The following KIAA1328 variants were observed in gnomAD, a reference collection of about 807,000 sequenced individuals.
KIAA1328 encodes protein hinderin.
A neutral mutation model predicts 68.1 loss-of-function variants in KIAA1328; 52 were observed. That is an observed-to-expected ratio of 0.76 (90% CI 0.61 to 0.96). The LOEUF is 0.96. KIAA1328 is among the 40% of genes least tolerant of loss of function. KIAA1328 has a pLI of 0.00. For missense variants in KIAA1328, 641 were observed against 677.6 expected (o/e 0.95, Z 0.60); for synonymous variants, 232 against 239.4 (o/e 0.97, Z 0.28).
At chr18:36,863,384 A>G (rs994544489) in intron 4 of KIAA1328, among the ~76,000 whole-genome samples, 1 of 151,848 alleles carries the variant, frequency 6.6e-6, no homozygotes, top group Non-Finnish European at 1.5e-5. Context: ...CCACTGGCCT[A>G]TGTGTCTATT....
intron 1 of KIAA1328, among the ~76,000 whole-genome samples, chr18:36,830,601 C>T (rs2046446606): frequency 6.6e-6 from 1 of 152,100 alleles, no homozygotes; most frequent in Admixed American, 6.5e-5. Flanking sequence ...CAAGCTATTG[C>T]AATGGGACTG....
At chr18:37,168,765 T>G (rs1202221221) in intron 8 of KIAA1328, among the ~76,000 whole-genome samples, 2 of 152,168 alleles carry the variant, frequency 1.3e-5, no homozygotes, top group Non-Finnish European at 2.9e-5. Flanking sequence ...GGATGGATAT[T>G]GGTATTGTAT....
Position 37,193,645 on chromosome 18 carries a change from C to G in KIAA1328, c.1523+20564C>G, listed in dbSNP as rs181452078. On this transcript the variant is annotated intron_variant, in intron 9 of 9. Coordinates refer to ENST00000280020, the MANE Select transcript of KIAA1328 (RefSeq NM_020776.3). ...TTTCAAATCATTTCTTCATATTGTT[C>G]TCCTAGACAAAATGCTAGGCTACAC... The G allele has an allele frequency of 1.4e-3, 1,013 of 702,596 alleles. 1 individual carries two copies. The highest frequency in any genetic ancestry group is 2.2e-3 in the Non-Finnish European group (847 of 384,794). 43.5% of individuals were successfully genotyped at this position (702,596 alleles called of 1,614,324 possible).
rs1194588761 is a variant in KIAA1328 at position 37,067,448 on chromosome 18, A to T, written c.1135A>T (p.Ile379Phe). Reference sequence around the variant, plus strand: ...GATGCTTCAGAAAATGGAACTGGAAATTGAAAAGGAGCGCCTTCAGCATCT... The same window carrying T: ...GATGCTTCAGAAAATGGAACTGGAATTTGAAAAGGAGCGCCTTCAGCATCT... ...QLMLQKMELE[I>F]EKERLQHLLA... Residue 379 changes from isoleucine (I) to phenylalanine (F), a missense_variant, in exon 7 of 10, where the codon ATT becomes TTT. By Grantham distance (21) the Ile-to-Phe change is conservative (BLOSUM62 0). Transcript: ENST00000280020. 6.3e-7 allele frequency: 1 copy of T among 1,584,274 alleles called. No individual in the cohort carries two copies. The highest frequency in any genetic ancestry group is 1.8e-5 in the Admixed American group (1 of 54,658).
intron 5 of KIAA1328, among the ~76,000 whole-genome samples, chr18:36,928,704 G>A (rs2034216): frequency 6.6e-4 from 100 of 152,274 alleles, no homozygotes; most frequent in African/African-American, 2.2e-3. Flanking sequence ...GAGTGTGTGC[G>A]CACGCATGTG....
chr18:37,023,099 T>G (rs1284423771), intron 6 of KIAA1328, among the ~76,000 whole-genome samples: 1 of 152,222 alleles, frequency 6.6e-6, no homozygotes, highest in Non-Finnish European at 1.5e-5. Context: ...GGCACAATCA[T>G]GGCTCACTGT....
chr18:37,154,267 T>C, intron 7 of KIAA1328, among the ~76,000 whole-genome samples: 1 of 152,174 alleles, frequency 6.6e-6, no homozygotes. Context: ...ATCGCTCTTA[T>C]TAAAAATTCC....
intron 9 of KIAA1328, 74 bp from the exon 10 acceptor site, chr18:37,221,943 A>T: frequency 4.8e-6 from 7 of 1,468,798 alleles, no homozygotes; most frequent in Non-Finnish European, 5.6e-6. Context: ...TGGACAGCCC[A>T]TTTCTGCTGG....
At chr18:36,968,232 A>G (rs2052024390) in intron 6 of KIAA1328, among the ~76,000 whole-genome samples, 1 of 152,204 alleles carries the variant, frequency 6.6e-6, no homozygotes, top group Admixed American at 6.5e-5. Flanking sequence ...ATAAACAGCT[A>G]ACAACATGAT....
At chr18:36,915,927 C>T (rs1303070572) in intron 5 of KIAA1328, among the ~76,000 whole-genome samples, 1 of 152,142 alleles carries the variant, frequency 6.6e-6, no homozygotes, top group Non-Finnish European at 1.5e-5. Flanking sequence ...GAAAACAACT[C>T]AAATGTCTTT....
chr18:37,018,408 A>G (rs1201878629), intron 6 of KIAA1328, among the ~76,000 whole-genome samples: 1 of 151,964 alleles, frequency 6.6e-6, no homozygotes, highest in East Asian at 1.9e-4. Flanking sequence ...TTTTTCATTT[A>G]GCATTGACCT....
chr18:36,965,092 T>G (rs2051862509), intron 6 of KIAA1328, among the ~76,000 whole-genome samples: 1 of 152,184 alleles, frequency 6.6e-6, no homozygotes. Flanking sequence ...TCAGCCTATT[T>G]TACTATTTTT....
chr18:36,946,821 G>T (rs139706544), intron 5 of KIAA1328, among the ~76,000 whole-genome samples: 1 of 152,268 alleles, frequency 6.6e-6, no homozygotes, highest in East Asian at 1.9e-4. Flanking sequence ...GCTTAATTGT[G>T]AAATAGGTGA....
At chr18:37,187,973 T>C (rs988588933) in intron 9 of KIAA1328, among the ~76,000 whole-genome samples, 1 of 152,212 alleles carries the variant, frequency 6.6e-6, no homozygotes, top group Non-Finnish European at 1.5e-5. Flanking sequence ...ATGGTGTTTA[T>C]AGAATATAAA....
chr18:37,077,331 C>T (rs911634705), intron 7 of KIAA1328, among the ~76,000 whole-genome samples: 1 of 139,894 alleles, frequency 7.1e-6, no homozygotes. Context: ...TGGGACGTAT[C>T]TCAAAATAAT....
chr18:36,941,033 G>A (rs755924906), intron 5 of KIAA1328, among the ~76,000 whole-genome samples: 1 of 152,020 alleles, frequency 6.6e-6, no homozygotes, highest in African/African-American at 2.4e-5. Flanking sequence ...ATAAGTGAAC[G>A]CGAAATAAGG....
intron 5 of KIAA1328, among the ~76,000 whole-genome samples, chr18:36,936,627 C>G (rs1331043667): frequency 6.6e-6 from 1 of 152,112 alleles, no homozygotes; most frequent in Non-Finnish European, 1.5e-5. Flanking sequence ...TGGATATATA[C>G]CCAGTAATGG....
In KIAA1328 at chr18:37,126,542, G is replaced by A. The variant is rs551447377; in HGVS notation, c.1233-33658G>A. Among the ~76,000 whole-genome samples, 3 of 152,182 alleles carry A rather than the reference G, an allele frequency of 2.0e-5. No homozygotes were observed. In the South Asian group the frequency reaches 6.2e-4, roughly 32 times the overall value. On this transcript the variant is annotated intron_variant, in intron 7 of 9. Coordinates refer to ENST00000280020, the MANE Select transcript of KIAA1328 (RefSeq NM_020776.3). Reference sequence around the variant, plus strand: ...TTACTGTCGAATTCCACCAAACATTGAAGGAACATATAATAAAAATTCTTG... The same window carrying A: ...TTACTGTCGAATTCCACCAAACATTAAAGGAACATATAATAAAAATTCTTG...
At chr18:36,873,965 G>C (rs1214223697) in intron 4 of KIAA1328, among the ~76,000 whole-genome samples, 1 of 152,136 alleles carries the variant, frequency 6.6e-6, no homozygotes, top group African/African-American at 2.4e-5. Context: ...GTGTTAGTTT[G>C]CTGAGAATGA....
Sources: gnomAD v4.1 joint callset for allele counts (sites outside exome capture counted in the v4.1 genomes callset) on GRCh38, gnomAD v4.1.1 for gene constraint, MANE v1.5 for transcripts, NCBI Gene and HGNC (gene_info 2026-07-23, HGNC 2026-07-21) for gene names.